Variants in FRMD5 observed in about 807,000 individuals in gnomAD.
FRMD5 encodes FERM domain containing 5.
Under a neutral mutation model 69.0 loss-of-function variants are expected in FRMD5, and 20 were observed. The observed-to-expected ratio is 0.29, with a 90% CI of 0.20 to 0.42. The LOEUF is 0.42. FRMD5 is among the 10% of genes least tolerant of loss of function. The pLI is 1.00. For synonymous variants in FRMD5, 271 were observed against 260.1 expected (o/e 1.04, Z -0.40); for missense variants, 595 against 708.6 (o/e 0.84, Z 1.82).
At chr15:43,968,155 G>A (rs1163728407) in intron 1 of FRMD5, among the ~76,000 whole-genome samples, 2 of 151,746 alleles carry the variant, frequency 1.3e-5, no homozygotes, top group Non-Finnish European at 2.9e-5. Flanking sequence ...TTATCATCCA[G>A]CTTCAACAAT....
At chr15:43,876,128 C>G (rs1484689531) in intron 13 of FRMD5, 3 of 1,547,682 alleles carry the variant, frequency 1.9e-6, no homozygotes, top group African/African-American at 2.7e-5. Flanking sequence ...TGTGTCTGAC[C>G]TTTACTGCAT....
intron 1 of FRMD5, among the ~76,000 whole-genome samples, chr15:44,064,533 G>A (rs1893229871): frequency 6.6e-6 from 1 of 152,166 alleles, no homozygotes; most frequent in Admixed American, 6.5e-5. Flanking sequence ...AGGGTGTGAT[G>A]AGCCGAGATC....
intron 1 of FRMD5, among the ~76,000 whole-genome samples, chr15:43,948,216 T>C (rs772276865): frequency 2.0e-5 from 3 of 152,220 alleles, no homozygotes; most frequent in South Asian, 2.1e-4. Context: ...CATTGTGCCA[T>C]ATGGCATTTT....
At chr15:43,894,958 GT>G (rs1192320445) in intron 7 of FRMD5, among the ~76,000 whole-genome samples, 3 of 152,050 alleles carry the variant, frequency 2.0e-5, no homozygotes, top group Admixed American at 2.0e-4. Context: ...CATGTTTTTT[GT>G]TTGTTTTAGA....
chr15:44,021,354 T>TA (rs1330730243), intron 1 of FRMD5, among the ~76,000 whole-genome samples: 1 of 152,164 alleles, frequency 6.6e-6, no homozygotes, highest in African/African-American at 2.4e-5. Flanking sequence ...AACCAGCTCA[T>TA]AAAAGGTAAC....
At chr15:43,902,330 C>T in intron 6 of FRMD5, 68 bp from the exon 7 acceptor site, 1 of 1,292,304 alleles carries the variant, frequency 7.7e-7, no homozygotes. Flanking sequence ...GGTAAACTCT[C>T]TATGAAGATG....
intron 1 of FRMD5, among the ~76,000 whole-genome samples, chr15:43,936,379 G>A (rs1378956718): frequency 6.6e-6 from 1 of 151,972 alleles, no homozygotes; most frequent in East Asian, 1.9e-4. Context: ...TTCTGAAGAG[G>A]GGGGTCTCCC....
intron 1 of FRMD5, among the ~76,000 whole-genome samples, chr15:43,951,986 G>GT (rs2090040492): frequency 8.7e-6 from 1 of 114,394 alleles, no homozygotes; most frequent in Non-Finnish European, 1.6e-5. Context: ...TGTGTTGTGT[G>GT]TGTGTGTGTG....
At chr15:44,013,988 C>T (rs1890843754) in intron 1 of FRMD5, among the ~76,000 whole-genome samples, 1 of 151,728 alleles carries the variant, frequency 6.6e-6, no homozygotes, top group South Asian at 2.1e-4. Context: ...TCCTGAGTAG[C>T]TGGGACTACA....
At chr15:44,073,101 C>G (rs1359467422) in intron 1 of FRMD5, among the ~76,000 whole-genome samples, 1 of 152,128 alleles carries the variant, frequency 6.6e-6, no homozygotes, top group Non-Finnish European at 1.5e-5. Context: ...TGCCACTGCA[C>G]TCCAGCCTGG....
chr15:44,059,746 A>G (rs1893015964), intron 1 of FRMD5, among the ~76,000 whole-genome samples: 2 of 151,838 alleles, frequency 1.3e-5, no homozygotes, highest in South Asian at 4.2e-4. Flanking sequence ...CTATCTCCTG[A>G]CCTCGTGATC....
intron 7 of FRMD5, 64 bp downstream of exon 7, chr15:43,902,111 G>T: frequency 1.7e-6 from 2 of 1,177,748 alleles, no homozygotes; most frequent in Non-Finnish European, 2.5e-6. Flanking sequence ...AGGCATGGGG[G>T]CTCTTGCTCC....
intron 1 of FRMD5, among the ~76,000 whole-genome samples, chr15:44,071,425 T>TAAACAAAACAAAACAAAACAAAACA: frequency 6.6e-6 from 1 of 151,196 alleles, no homozygotes; most frequent in African/African-American, 2.4e-5. Context: ...AGACCCTGTC[T>TAAACAAAACAAAACAAAACAAAACA]AAACAAAACA....
intron 1 of FRMD5, among the ~76,000 whole-genome samples, chr15:44,168,347 T>C (rs2077744121): frequency 6.6e-6 from 1 of 152,238 alleles, no homozygotes; most frequent in South Asian, 2.1e-4. Flanking sequence ...AGACTGTGAC[T>C]AAGGGCCTTT....
In FRMD5 at chr15:44,062,142, T is replaced by A. The variant is rs111424522; in HGVS notation, c.102+132811A>T. Reference sequence around the variant, plus strand: ...GTGATTTTGTCATTTATTTTCCTGATGTAAATAAAGACTTTATTTTCTTGT... The same window carrying A: ...GTGATTTTGTCATTTATTTTCCTGAAGTAAATAAAGACTTTATTTTCTTGT... On this transcript the variant is annotated intron_variant, in intron 1 of 13. Transcript: ENST00000417257. Among the ~76,000 whole-genome samples, 872 of 152,370 alleles carry A rather than the reference T, an allele frequency of 5.7e-3. 5 individuals carry two copies. Among genetic ancestry groups the A allele is most frequent in the Non-Finnish European group, 9.4e-3 (638 of 68,042 alleles).
At chr15:43,964,400 G>C (rs1292372028) in intron 1 of FRMD5, among the ~76,000 whole-genome samples, 1 of 150,856 alleles carries the variant, frequency 6.6e-6, no homozygotes, top group African/African-American at 2.4e-5. Flanking sequence ...GGCACAGTGG[G>C]TCATGCCTGT....
At chr15:44,197,585 G>A (rs1325558715), upstream of FRMD5, among the ~76,000 whole-genome samples, 1 of 150,778 alleles carries the variant, frequency 6.6e-6, no homozygotes, top group Non-Finnish European at 1.5e-5. Flanking sequence ...AGGAGGCTGA[G>A]GCAGGAGATT....
chr15:44,122,245 C>T (rs1401793771), intron 1 of FRMD5, among the ~76,000 whole-genome samples: 3 of 151,972 alleles, frequency 2.0e-5, no homozygotes, highest in Admixed American at 1.3e-4. Flanking sequence ...AAAAGTTATA[C>T]GTCAAGTAGA....
At chr15:43,922,424 G>A (rs772073090) in intron 2 of FRMD5, among the ~76,000 whole-genome samples, 1 of 152,200 alleles carries the variant, frequency 6.6e-6, no homozygotes, top group Non-Finnish European at 1.5e-5. Flanking sequence ...AATTAGGTTT[G>A]TGTGCAGCGC....
Sources: allele counts gnomAD v4.1 joint callset (sites outside exome capture counted in the v4.1 genomes callset), GRCh38; gene constraint gnomAD v4.1.1; transcripts MANE v1.5; gene names NCBI Gene and HGNC (gene_info 2026-07-23, HGNC 2026-07-21).